Variants in DLG2 observed in about 807,000 individuals in gnomAD.
DLG2 encodes disks large homolog 2.
Under a neutral mutation model 132.5 loss-of-function variants are expected in DLG2, and 45 were observed. The ratio of observed to expected loss-of-function variants is 0.34; its 90% CI spans 0.27 to 0.44. DLG2 has a LOEUF of 0.44. DLG2 is among the 20% of genes least tolerant of loss of function. The pLI, the probability that DLG2 is intolerant of heterozygous loss-of-function variation, is 1.00. For synonymous variants in DLG2, 424 were observed against 419.6 expected, an observed-to-expected ratio of 1.01 and a Z score of -0.13; for missense variants, 1,045 against 1,196.9, an observed-to-expected ratio of 0.87 and a Z score of 1.87.
intron 9 of DLG2, among the ~76,000 whole-genome samples, chr11:84,142,475 AT>A (rs1165075418): frequency 6.6e-6 from 1 of 152,146 alleles, no homozygotes; most frequent in Non-Finnish European, 1.5e-5. Context: ...GTGATGATTA[AT>A]TTTATGTGTC....
At chr11:84,319,732 T>G (rs180691702) in intron 7 of DLG2, among the ~76,000 whole-genome samples, 144 of 152,362 alleles carry the variant, frequency 9.5e-4, no homozygotes, top group Non-Finnish European at 1.7e-3. Flanking sequence ...TCTATTTTAA[T>G]AACTTAGCAT....
At chr11:84,448,608 A>G (rs2099042521) in intron 7 of DLG2, among the ~76,000 whole-genome samples, 1 of 151,868 alleles carries the variant, frequency 6.6e-6, no homozygotes, top group Non-Finnish European at 1.5e-5. Context: ...ATCTTGACAA[A>G]TTTTCTGAGA....
chr11:84,898,840 C>G (rs2090529187), intron 6 of DLG2, among the ~76,000 whole-genome samples: 2 of 152,030 alleles, frequency 1.3e-5, no homozygotes. Flanking sequence ...AGCAAAGATT[C>G]AGATTGAATT....
chr11:84,867,856 C>T (rs2084829131), intron 6 of DLG2, among the ~76,000 whole-genome samples: 1 of 152,042 alleles, frequency 6.6e-6, no homozygotes, highest in South Asian at 2.1e-4. Context: ...GGGTGGATCA[C>T]GAAGTCAGGA....
Position 83,618,535 on chromosome 11 carries a change from A to G in DLG2, c.1940+14676T>C, listed in dbSNP as rs975795286. 1.4e-4 allele frequency among the ~76,000 whole-genome samples: 21 copies of G among 152,188 alleles called. 1 individual carries two copies. The highest frequency in any genetic ancestry group is 1.2e-3 in the Admixed American group (18 of 15,280). ...TGAGTATTTCTATTATACCCATTTT[A>G]TGGAAAAAGCGGAGGCCTAGAGGGA... On this transcript the variant is annotated intron_variant, in intron 19 of 27. Transcript: ENST00000376104.
chr11:85,277,849 C>T (rs2077986680), intron 4 of DLG2, among the ~76,000 whole-genome samples: 2 of 152,144 alleles, frequency 1.3e-5, no homozygotes, highest in Non-Finnish European at 2.9e-5. Context: ...TCTGGTGTGA[C>T]AGCTACCTAA....
intron 10 of DLG2, among the ~76,000 whole-genome samples, chr11:84,066,088 G>C (rs1373958618): frequency 1.3e-5 from 2 of 152,018 alleles, no homozygotes; most frequent in African/African-American, 4.8e-5. Flanking sequence ...TTGGGATGAG[G>C]GTGAGCACTG....
At chr11:85,184,267 TAAAAC>T (rs2079931462) in intron 4 of DLG2, among the ~76,000 whole-genome samples, 1 of 151,310 alleles carries the variant, frequency 6.6e-6, no homozygotes, top group African/African-American at 2.4e-5. Flanking sequence ...CTGCATAAAT[TAAAAC>T]AAACTTATGC....
intron 6 of DLG2, among the ~76,000 whole-genome samples, chr11:84,787,402 T>TATGCAC (rs2073095069): frequency 6.6e-6 from 1 of 152,198 alleles, no homozygotes; most frequent in African/African-American, 2.4e-5. Flanking sequence ...TGCTGTTCCC[T>TATGCAC]ATGCACAGAA....
At chr11:84,083,952 A>T (rs548830835) in intron 10 of DLG2, among the ~76,000 whole-genome samples, 1 of 152,326 alleles carries the variant, frequency 6.6e-6, no homozygotes, top group African/African-American at 2.4e-5. Context: ...AAAGTCTACA[A>T]GATCCCAGAG....
intron 7 of DLG2, among the ~76,000 whole-genome samples, chr11:84,467,125 C>T (rs902144034): frequency 6.6e-6 from 1 of 151,286 alleles, no homozygotes; most frequent in Non-Finnish European, 1.5e-5. Context: ...GGAGCTAGGA[C>T]ATCTTGTGAA....
At position 84,759,138 on chromosome 11, in the gene DLG2, G is replaced by A. The variant is rs750785727; in HGVS notation, c.358-224407C>T. Among the ~76,000 whole-genome samples the A allele has an allele frequency of 2.3e-4, 35 of 152,128 alleles. 1 individual carries two copies. The highest frequency in any genetic ancestry group is 4.1e-4 in the Non-Finnish European group (28 of 67,980). ...AGCAATCTACCCACCTTGGCCTCCC[G>A]AAGTGCTGGGATTACAGGCTTGAGA... On this transcript the variant is annotated intron_variant, in intron 6 of 27. Coordinates refer to ENST00000376104, the MANE Select transcript of DLG2 (RefSeq NM_001142699.3).
intron 3 of DLG2, among the ~76,000 whole-genome samples, chr11:85,348,336 C>A (rs2083017545): frequency 6.6e-6 from 1 of 151,848 alleles, no homozygotes. Flanking sequence ...GATTCTTCAG[C>A]TTCAGCCTCC....
chr11:83,957,664 G>A (rs2087263643), intron 14 of DLG2, among the ~76,000 whole-genome samples: 1 of 151,268 alleles, frequency 6.6e-6, no homozygotes, highest in Non-Finnish European at 1.5e-5. Flanking sequence ...CATTACCTGT[G>A]AAGTCCTACT....
intron 6 of DLG2, among the ~76,000 whole-genome samples, chr11:84,912,257 G>A (rs1476762107): frequency 2.0e-5 from 3 of 152,166 alleles, no homozygotes; most frequent in African/African-American, 4.8e-5. Flanking sequence ...CTGGGTTCAC[G>A]CCATTCTCCT....
chr11:84,798,252 C>T (rs2074921625), intron 6 of DLG2, among the ~76,000 whole-genome samples: 1 of 152,166 alleles, frequency 6.6e-6, no homozygotes, highest in African/African-American at 2.4e-5. Flanking sequence ...GTGTTCTTCC[C>T]TTCAGTGTGA....
intron 6 of DLG2, among the ~76,000 whole-genome samples, chr11:84,990,437 C>G (rs953147504): frequency 6.6e-6 from 1 of 152,060 alleles, no homozygotes; most frequent in Non-Finnish European, 1.5e-5. Context: ...TGCTTTTCTG[C>G]CATGCAAGAA....
At chr11:85,361,776 T>C (rs2084174352) in intron 3 of DLG2, among the ~76,000 whole-genome samples, 1 of 152,216 alleles carries the variant, frequency 6.6e-6, no homozygotes, top group African/African-American at 2.4e-5. Flanking sequence ...GATTTCTTTG[T>C]GTATTTGGGC....
At chr11:84,683,315 T>A (rs758231823) in intron 6 of DLG2, among the ~76,000 whole-genome samples, 1 of 152,194 alleles carries the variant, frequency 6.6e-6, no homozygotes, top group Non-Finnish European at 1.5e-5. Flanking sequence ...AGACTTACTC[T>A]CCTATGCCTG....
Sources: gnomAD v4.1 joint callset for allele counts (sites outside exome capture counted in the v4.1 genomes callset) on GRCh38, gnomAD v4.1.1 for gene constraint, MANE v1.5 for transcripts, NCBI Gene and HGNC (gene_info 2026-07-23, HGNC 2026-07-21) for gene names.